Variants in CABLES1 observed in about 807,000 individuals in gnomAD.
CABLES1 encodes the protein CDK5 and ABL1 enzyme substrate 1.
Under a neutral mutation model 57.8 loss-of-function variants are expected in CABLES1, and 36 were observed. The ratio of observed to expected loss-of-function variants is 0.62; its 90% confidence interval spans 0.48 to 0.82. The LOEUF (loss-of-function observed/expected upper bound fraction) is 0.82, where lower values mean the gene tolerates loss of function less well. Among genes scored for constraint, CABLES1 ranks in the 40% least tolerant of loss-of-function variants. The pLI is 0.00. For missense variants in CABLES1, 767 were observed against 836.6 expected (o/e 0.92, Z 1.03); for synonymous variants, 374 against 363.0 (o/e 1.03, Z -0.35).
At chr18:23,162,862 C>A (rs2047014559) in intron 1 of CABLES1, among the ~76,000 whole-genome samples, 2 of 152,154 alleles carry the variant, frequency 1.3e-5, no homozygotes, top group South Asian at 4.1e-4. Context: ...CAAAGCTGTT[C>A]ATGTCCTGTG....
chr18:23,167,456 T>C (rs1388793746), intron 1 of CABLES1, among the ~76,000 whole-genome samples: 1 of 152,240 alleles, frequency 6.6e-6, no homozygotes, highest in African/African-American at 2.4e-5. Flanking sequence ...TGTAAAAGGC[T>C]AACAAGATGT....
intron 3 of CABLES1, among the ~76,000 whole-genome samples, chr18:23,205,053 C>T (rs1471354367): frequency 6.6e-6 from 1 of 152,106 alleles, no homozygotes; most frequent in African/African-American, 2.4e-5. Flanking sequence ...GTCTGCAACA[C>T]ATTGAGAAGA....
intron 5 of CABLES1, among the ~76,000 whole-genome samples, chr18:23,235,158 G>A (rs1236234488): frequency 1.3e-5 from 2 of 152,180 alleles, no homozygotes; most frequent in Admixed American, 1.3e-4. Flanking sequence ...CACATGCAAC[G>A]AGTCGTGGGG....
At chr18:23,153,498 C>G (rs1301711895) in intron 1 of CABLES1, among the ~76,000 whole-genome samples, 1 of 152,132 alleles carries the variant, frequency 6.6e-6, no homozygotes, top group Non-Finnish European at 1.5e-5. Context: ...CTTTGGGAGG[C>G]TGAGGCAGAC....
At position 23,236,149 on chromosome 18, in the gene CABLES1, A is replaced by G. The variant is rs1023899888; in HGVS notation, c.1342+98A>G. 7 of 1,281,256 alleles carry G rather than the reference A, an allele frequency of 5.5e-6. No individual in the cohort carries two copies. In the African/African-American group the frequency reaches 7.4e-5, roughly 14 times the overall value. 79.4% of individuals were successfully genotyped at this position (1,281,256 alleles called of 1,614,324 possible). Reference sequence around the variant, plus strand: ...CTCCCTGTGATGCAGACTGGAAGACAGGGGCTCGCAGGTGACATGACTTTT... The same window carrying G: ...CTCCCTGTGATGCAGACTGGAAGACGGGGGCTCGCAGGTGACATGACTTTT... On this transcript the variant is annotated intron_variant, in intron 6 of 9. Transcript: ENST00000256925.
intron 1 of CABLES1, among the ~76,000 whole-genome samples, chr18:23,151,798 G>A (rs1409677321): frequency 6.6e-6 from 1 of 152,212 alleles, no homozygotes; most frequent in Non-Finnish European, 1.5e-5. Flanking sequence ...AGGAAGAGCA[G>A]CTGGTGCAGA....
chr18:23,196,530 A>T (rs1351949054), intron 3 of CABLES1, among the ~76,000 whole-genome samples: 1 of 152,208 alleles, frequency 6.6e-6, no homozygotes, highest in Non-Finnish European at 1.5e-5. Flanking sequence ...TCGAGAGCTG[A>T]TGAATGAGAG....
chr18:23,187,654 TG>T lies in CABLES1; in HGVS notation c.846-1181del, dbSNP rs555350273. Among the ~76,000 whole-genome samples the T allele has an allele frequency of 1.4e-3, 216 of 152,314 alleles. 2 individuals carry two copies. Among genetic ancestry groups the T allele is most frequent in the Non-Finnish European group, 2.1e-3 (145 of 68,016 alleles). Reference sequence around the variant, plus strand: ...AGCCTGCCTCGGCCTCCCAAAGTGCTGGGATTACAGGCGTGAGCCACCGTGC... The same window carrying T: ...AGCCTGCCTCGGCCTCCCAAAGTGCTGGATTACAGGCGTGAGCCACCGTGC... On this transcript the variant is annotated intron_variant, in intron 1 of 9. Coordinates refer to ENST00000256925, the MANE Select transcript of CABLES1 (RefSeq NM_001100619.3).
intron 1 of CABLES1, among the ~76,000 whole-genome samples, chr18:23,167,262 T>C (rs992187746): frequency 3.3e-5 from 5 of 152,156 alleles, no homozygotes; most frequent in African/African-American, 1.2e-4. Flanking sequence ...GGAGACTTCC[T>C]GGATTTTTCC....
chr18:23,186,110 C>T (rs993218234), intron 1 of CABLES1, among the ~76,000 whole-genome samples: 17 of 152,174 alleles, frequency 1.1e-4, no homozygotes, highest in South Asian at 6.2e-4. Context: ...GGAACATGTA[C>T]GCATCTTGGG....
chr18:23,153,046 T>C (rs1453809833), intron 1 of CABLES1, among the ~76,000 whole-genome samples: 2 of 152,070 alleles, frequency 1.3e-5, no homozygotes, highest in African/African-American at 4.8e-5. Context: ...GTGATCCGCC[T>C]ACCTTGGCCT....
At chr18:23,242,915 A>G (rs890541411) in intron 7 of CABLES1, among the ~76,000 whole-genome samples, 1 of 152,148 alleles carries the variant, frequency 6.6e-6, no homozygotes, top group African/African-American at 2.4e-5. Flanking sequence ...GATGCTGAGC[A>G]GTGGGAAGTA....
intron 1 of CABLES1, among the ~76,000 whole-genome samples, chr18:23,159,867 A>C (rs1196368878): frequency 6.6e-6 from 1 of 151,394 alleles, no homozygotes; most frequent in East Asian, 1.9e-4. Context: ...GAAAATGATA[A>C]ATTGATTTTC....
intron 1 of CABLES1, among the ~76,000 whole-genome samples, chr18:23,180,120 G>A (rs906540546): frequency 1.1e-4 from 16 of 151,862 alleles, no homozygotes; most frequent in African/African-American, 3.9e-4. Context: ...ACTGGGTTTC[G>A]CCGTGTTAGC....
intron 1 of CABLES1, among the ~76,000 whole-genome samples, chr18:23,157,089 A>G (rs2046970847): frequency 6.6e-6 from 1 of 152,066 alleles, no homozygotes; most frequent in African/African-American, 2.4e-5. Context: ...TGGGGTTACA[A>G]ATAAATTTTA....
At chr18:23,181,353 G>A (rs912730277) in intron 1 of CABLES1, among the ~76,000 whole-genome samples, 2 of 151,844 alleles carry the variant, frequency 1.3e-5, no homozygotes, top group Admixed American at 6.6e-5. Context: ...AAAATTAGCC[G>A]GATGTGGTGG....
intron 1 of CABLES1, among the ~76,000 whole-genome samples, 155 bp downstream of exon 1, chr18:23,136,762 C>T (rs2046825632): frequency 6.6e-6 from 1 of 152,222 alleles, no homozygotes; most frequent in Non-Finnish European, 1.5e-5. Context: ...ACCACGAGGG[C>T]ACCCAAAAGA....
At chr18:23,256,822 G>C (rs1365562343) in intron 9 of CABLES1, among the ~76,000 whole-genome samples, 1 of 152,178 alleles carries the variant, frequency 6.6e-6, no homozygotes. Context: ...GAATCACTTA[G>C]TTGCCACAGG....
At chr18:23,179,329 A>C (rs2047147587) in intron 1 of CABLES1, among the ~76,000 whole-genome samples, 2 of 152,154 alleles carry the variant, frequency 1.3e-5, no homozygotes, top group Admixed American at 1.3e-4. Context: ...TAATTTAAAA[A>C]AATCTAACCA....
Sources: gnomAD v4.1 joint callset for allele counts (sites outside exome capture counted in the v4.1 genomes callset) on GRCh38, gnomAD v4.1.1 for gene constraint, MANE v1.5 for transcripts, NCBI Gene and HGNC (gene_info 2026-07-23, HGNC 2026-07-21) for gene names.